The following SLC7A10 variants were observed in gnomAD, a reference collection of about 807,000 sequenced individuals.
SLC7A10 encodes solute carrier family 7 member 10.
Under a neutral mutation model 52.7 loss-of-function variants are expected in SLC7A10, and 30 were observed. The ratio of observed to expected loss-of-function variants is 0.57; its 90% CI spans 0.43 to 0.77. The LOEUF (loss-of-function observed/expected upper bound fraction) is 0.77. Ranked by LOEUF, SLC7A10 falls within the 30% of genes least tolerant of loss-of-function variation. The probability of loss-of-function intolerance (pLI) is 0.00; values close to 1 mark genes in which losing one functional copy is unlikely to be tolerated. For missense variants in SLC7A10, 581 were observed against 698.5 expected (o/e 0.83, Z 1.90); for synonymous variants, 318 against 314.9 (o/e 1.01, Z -0.10).
At position 33,225,807 on chromosome 19, in the gene SLC7A10, A is replaced by C. The variant is rs1599966402; in HGVS notation, c.-104T>G. On this transcript the variant is annotated 5_prime_UTR_variant, in exon 1 of 11. Transcript: ENST00000253188. ...AGCTCACGGCCCTCGCAGCCGGGAC[A>C]GCGCCCACAGGCGGGCGCATGCGCT... 3 of 1,271,518 alleles carry C rather than the reference A, an allele frequency of 2.4e-6. No individual in the cohort carries two copies. The East Asian group carries it at 1.0e-4, about 44-fold the overall frequency. 78.8% of individuals were successfully genotyped at this position (1,271,518 alleles called of 1,614,324 possible).
At chr19:33,222,459 TA>T (rs1568396408) in intron 1 of SLC7A10, among the ~76,000 whole-genome samples, 4 of 141,548 alleles carry the variant, frequency 2.8e-5, no homozygotes, top group East Asian at 4.0e-4. Flanking sequence ...TAAAATAAAA[TA>T]AAATAAATAA....
chr19:33,220,595 G>C (rs1452339199), intron 1 of SLC7A10, among the ~76,000 whole-genome samples: 1 of 152,108 alleles, frequency 6.6e-6, no homozygotes, highest in African/African-American at 2.4e-5. Context: ...TTGATAGATA[G>C]ATAGACCTCA....
At chr19:33,222,803 G>A (rs1332146399) in intron 1 of SLC7A10, among the ~76,000 whole-genome samples, 2 of 152,066 alleles carry the variant, frequency 1.3e-5, no homozygotes, top group African/African-American at 4.8e-5. Context: ...GTGGCCGGCG[G>A]GCACTGCCCT....
chr19:33,211,683 G>A, intron 5 of SLC7A10, 146 bp from the exon 6 acceptor site: 1 of 1,466,196 alleles, frequency 6.8e-7, no homozygotes, highest in Non-Finnish European at 9.2e-7. Context: ...TGCTGCCCGA[G>A]ACACAGGGAC....
chr19:33,215,692 G>A lies in SLC7A10; in HGVS notation c.356+77C>T, dbSNP rs368650584. 1.2e-4 allele frequency: 176 copies of A among 1,418,104 alleles called. No individual in the cohort carries two copies. The African/African-American group carries it at 2.6e-3, about 21-fold the overall frequency. 87.8% of individuals were successfully genotyped at this position (1,418,104 alleles called of 1,614,324 possible). A position where few individuals can be genotyped will look rare whatever the true frequency, so the allele number is the denominator to read the frequency against. ...CCCTAGGAAGCCGGAAGCAGGAGTG[G>A]AAACTGATGCCAGGGCTCATTTGGC... On this transcript the variant is annotated intron_variant, in intron 2 of 10. Transcript: ENST00000253188.
intron 2 of SLC7A10, among the ~76,000 whole-genome samples, chr19:33,215,373 C>A (rs1411407054): frequency 6.6e-6 from 1 of 152,126 alleles, no homozygotes; most frequent in Non-Finnish European, 1.5e-5. Flanking sequence ...AATTGAGGCC[C>A]CTCCTCGCCT....
intron 1 of SLC7A10, among the ~76,000 whole-genome samples, chr19:33,219,592 C>T (rs556822796): frequency 2.6e-4 from 39 of 152,372 alleles, no homozygotes; most frequent in African/African-American, 9.4e-4. Context: ...CCCCAGTTTC[C>T]CCATCTGCCA....
At chr19:33,211,681 G>A (rs112934417) in intron 5 of SLC7A10, 144 bp from the exon 6 acceptor site, 20 of 1,452,380 alleles carry the variant, frequency 1.4e-5, no homozygotes, top group Non-Finnish European at 1.7e-5. Context: ...ATTGCTGCCC[G>A]AGACACAGGG....
chr19:33,209,231 G>A, intron 10 of SLC7A10, 77 bp downstream of exon 10: 1 of 1,590,178 alleles, frequency 6.3e-7, no homozygotes, highest in South Asian at 1.1e-5. Flanking sequence ...CCTGCTCTGG[G>A]GTGAGCCTCT....
intron 1 of SLC7A10, among the ~76,000 whole-genome samples, chr19:33,216,989 G>A (rs764533398): frequency 2.6e-4 from 39 of 151,622 alleles, no homozygotes; most frequent in Non-Finnish European, 4.1e-4. Flanking sequence ...ATTCTCCCAC[G>A]TCAGTCTCCC....
rs756264255 is a variant in SLC7A10 at position 33,225,562 on chromosome 19, T to A, written c.142A>T (p.Ile48Phe). The A allele has an allele frequency of 1.9e-6, 3 of 1,596,516 alleles. No individual in the cohort carries two copies. The highest frequency in any genetic ancestry group is 2.5e-6 in the Non-Finnish European group (3 of 1,179,260). ...KEIGLLSACTIIIGNIIGSGI... is the reference protein window; with the variant it reads ...KEIGLLSACTFIIGNIIGSGI... ...CCTGGGTCCCGCTCACCGATGATGATGGTGCAGGCGCTCAGCAGCCCGATC... is the reference window on the plus strand; with the variant it reads ...CCTGGGTCCCGCTCACCGATGATGAAGGTGCAGGCGCTCAGCAGCCCGATC... Residue 48 changes from isoleucine to phenylalanine, a missense_variant, in exon 1 of 11, where the codon ATC becomes TTC. Transcript: ENST00000253188.
At chr19:33,212,241 C>T (rs750748817) in intron 5 of SLC7A10, 51 bp downstream of exon 5, 3 of 1,562,514 alleles carry the variant, frequency 1.9e-6, no homozygotes, top group South Asian at 1.2e-5. Context: ...GCTGCCTGTC[C>T]CACCAGAGGG....
intron 1 of SLC7A10, among the ~76,000 whole-genome samples, chr19:33,216,346 C>G (rs1974683396): frequency 6.6e-6 from 1 of 152,164 alleles, no homozygotes; most frequent in South Asian, 2.1e-4. Context: ...TCCTCAGGCA[C>G]CCCACAAGGC....
intron 2 of SLC7A10, among the ~76,000 whole-genome samples, chr19:33,214,584 T>C (rs1974628121): frequency 6.6e-6 from 1 of 152,224 alleles, no homozygotes; most frequent in African/African-American, 2.4e-5. Context: ...CACCTCTAGC[T>C]ACAGCAGACT....
intron 1 of SLC7A10, among the ~76,000 whole-genome samples, chr19:33,223,963 A>ATG (rs1974869508): frequency 6.7e-6 from 1 of 148,768 alleles, no homozygotes. Flanking sequence ...CACCACCACC[A>ATG]CCACCACCAC....
chr19:33,215,095 G>A (rs1447245266), intron 2 of SLC7A10, among the ~76,000 whole-genome samples: 3 of 151,986 alleles, frequency 2.0e-5, no homozygotes, highest in South Asian at 2.1e-4. Flanking sequence ...GTGAAACCCC[G>A]TCTCTACTAA....
intron 1 of SLC7A10, among the ~76,000 whole-genome samples, chr19:33,222,789 T>G (rs1446015623): frequency 6.6e-6 from 1 of 152,034 alleles, no homozygotes; most frequent in East Asian, 1.9e-4. Context: ...CATCTGTGCT[T>G]GCAGTGGCCG....
Position 33,211,039 on chromosome 19 carries a change from G to C in SLC7A10, c.1017-141C>G, listed in dbSNP as rs781569017. On this transcript the variant is annotated intron_variant, in intron 7 of 10. Coordinates refer to ENST00000253188, the MANE Select transcript of SLC7A10 (RefSeq NM_019849.3). ...GACAGTTCTCCCCCTCATCCAGCCT[G>C]CCTGCCTCTTGCTTTCTTTGCCTCC... The C allele has an allele frequency of 6.1e-6, 6 of 985,848 alleles. No individual in the cohort carries two copies. The East Asian group carries it at 1.6e-4, about 26-fold the overall frequency. 61.1% of individuals were successfully genotyped at this position (985,848 alleles called of 1,614,324 possible).
chr19:33,212,175 C>T (rs913781924), intron 5 of SLC7A10, 117 bp downstream of exon 5: 7 of 1,438,344 alleles, frequency 4.9e-6, no homozygotes, highest in African/African-American at 2.8e-5. Context: ...GGGCAACAGG[C>T]GTGGGCCACC....
Sources: gnomAD v4.1 joint callset for allele counts (sites outside exome capture counted in the v4.1 genomes callset) on GRCh38, gnomAD v4.1.1 for gene constraint, MANE v1.5 for transcripts, NCBI Gene and HGNC (gene_info 2026-07-23, HGNC 2026-07-21) for gene names.